Variants in DMWD observed in about 807,000 individuals in gnomAD.
The protein encoded by DMWD is dystrophia myotonica WD repeat-containing protein.
A neutral mutation model predicts 45.8 loss-of-function variants in DMWD; 19 were observed. The ratio of observed to expected loss-of-function variants is 0.41; its 90% CI spans 0.29 to 0.61. DMWD has a LOEUF of 0.61. DMWD is among the 20% of genes least tolerant of loss of function. The probability of loss-of-function intolerance (pLI) is 0.25; values close to 1 mark genes in which losing one functional copy is unlikely to be tolerated. For synonymous variants in DMWD, 515 were observed against 440.5 expected, an observed-to-expected ratio of 1.17 and a Z score of -2.12; for missense variants, 802 against 965.2, an observed-to-expected ratio of 0.83 and a Z score of 2.24.
At chr19:45,784,802 C>T (rs1970249329) in intron 3 of DMWD, 87 bp from the exon 4 acceptor site, 1 of 1,546,128 alleles carries the variant, frequency 6.5e-7, no homozygotes, top group African/African-American at 1.4e-5. Context: ...AGACTGTGCT[C>T]TCAAGTTCTA....
chr19:45,791,404 C>A (rs2146275713), intron 1 of DMWD, among the ~76,000 whole-genome samples: 1 of 152,200 alleles, frequency 6.6e-6, no homozygotes, highest in African/African-American at 2.4e-5. Flanking sequence ...AGCTCCGATT[C>A]CTTTTAGCCT....
At chr19:45,785,273 G>C in intron 3 of DMWD, 3 of 1,133,050 alleles carry the variant, frequency 2.6e-6, no homozygotes, top group Non-Finnish European at 3.2e-6. Flanking sequence ...AACAGAAATA[G>C]ATTCTGGTTC....
chr19:45,787,419 C>T (rs1970296143), intron 2 of DMWD, among the ~76,000 whole-genome samples: 1 of 152,176 alleles, frequency 6.6e-6, no homozygotes, highest in South Asian at 2.1e-4. Flanking sequence ...AGAACGGTTT[C>T]ATCCCAAAAC....
intron 2 of DMWD, among the ~76,000 whole-genome samples, chr19:45,787,837 G>A (rs1970302185): frequency 6.6e-6 from 1 of 152,198 alleles, no homozygotes; most frequent in South Asian, 2.1e-4. Flanking sequence ...GGAGGCTGAG[G>A]CAGGCGGATC....
At position 45,786,300 on chromosome 19, in the gene DMWD, T is replaced by C; in HGVS notation, c.1196A>G (p.Glu399Gly). ...AAGADGERSGEEEEEEPEAAG... is the reference protein window; with the variant it reads ...AAGADGERSGGEEEEEPEAAG... ...AGCCTCGGGCTCCTCCTCCTCCTCTTCGCCGCTCCGCTCCCCATCAGCACC... is the reference window on the plus strand; with the variant it reads ...AGCCTCGGGCTCCTCCTCCTCCTCTCCGCCGCTCCGCTCCCCATCAGCACC... Residue 399 changes from glutamate to glycine, a missense_variant, in exon 3 of 5, where the codon GAA (glutamate) becomes GGA (glycine). Physicochemically the swap from Glu to Gly is moderately conservative, Grantham distance 98. Transcript: ENST00000270223. 8.1e-6 allele frequency: 13 copies of C among 1,606,120 alleles called. No homozygotes were observed. The highest frequency in any genetic ancestry group is 1.1e-5 in the Non-Finnish European group (13 of 1,174,874).
intron 1 of DMWD, among the ~76,000 whole-genome samples, chr19:45,792,020 G>A (rs1048976381): frequency 6.6e-6 from 1 of 152,004 alleles, no homozygotes; most frequent in Non-Finnish European, 1.5e-5. Flanking sequence ...GAACCCGGGG[G>A]ATCCCACCTC....
At position 45,785,790 on chromosome 19, in the gene DMWD, G is replaced by T; in HGVS notation, c.1706C>A (p.Pro569His). The T allele has an allele frequency of 6.2e-7, 1 of 1,611,856 alleles. No individual in the cohort carries two copies. ...CTTGGCGGGGTCCAGGCGGCTGCGG[G>T]GAACAGGGCCGCTGGGCTTCTCCCC... The part of the protein sequence containing the change: ...SGGEKPSGPV[P>H]RSRLDPAKVL... Residue 569 changes from proline to histidine, a missense_variant, in exon 3 of 5, where the codon CCC becomes CAC. By Grantham distance (77) the Pro-to-His change is moderately conservative (BLOSUM62 -2). Coordinates refer to ENST00000270223, the MANE Select transcript of DMWD (RefSeq NM_004943.2).
chr19:45,783,670 G>C lies in DMWD; in HGVS notation c.*573C>G, dbSNP rs1185284578. 4.9e-6 allele frequency: 2 copies of C among 406,138 alleles called. No homozygotes were observed. The highest frequency in any genetic ancestry group is 7.1e-5 in the East Asian group (2 of 28,092). 25.2% of individuals were successfully genotyped at this position (406,138 alleles called of 1,614,324 possible). A position where few individuals can be genotyped will look rare whatever the true frequency, so the allele number is the denominator to read the frequency against. On this transcript the variant is annotated 3_prime_UTR_variant, in exon 5 of 5. Coordinates refer to ENST00000270223, the MANE Select transcript of DMWD (RefSeq NM_004943.2). The stretch of plus-strand genomic sequence containing the variant: ...TCCTCTGGGGAAAGCGGACTGCCTA[G>C]AACCACAGAGTACACACACAGGTCC...
Position 45,784,632 on chromosome 19 carries a change from C to T in DMWD, c.1977+9G>A. The T allele has an allele frequency of 5.6e-6, 9 of 1,613,722 alleles. No individual in the cohort carries two copies. The highest frequency in any genetic ancestry group is 7.6e-6 in the Non-Finnish European group (9 of 1,179,670). On this transcript the variant is annotated intron_variant, in intron 4 of 4. Coordinates refer to ENST00000270223, the MANE Select transcript of DMWD (RefSeq NM_004943.2). ...AGGTGCTGGGGAAAGAACTCAGGGA[C>T]AGTCCTACCTCTACCACTGACTTGC...
At chr19:45,788,765 CA>C (rs34190352) in intron 2 of DMWD, among the ~76,000 whole-genome samples, 36,596 of 151,908 alleles carry the variant, frequency 0.24, 5,318 homozygotes, top group Admixed American at 0.38. Context: ...CCCGCCTCTA[CA>C]AAAAATACAA....
chr19:45,786,488 A>G lies in DMWD; in HGVS notation c.1008T>C (p.Pro336=), dbSNP rs1310235770. ...FGGLLCVCWS[P]DGRYVVTGGE... The stretch of plus-strand genomic sequence containing the variant: ...CACCCGTCACCACGTAGCGGCCGTC[A>G]GGGCTCCAGCACACACACAGCAGGC... The change falls in exon 3 of 5, where the codon CCT becomes CCC. Residue 336 remains proline, a synonymous_variant. Coordinates refer to ENST00000270223, the MANE Select transcript of DMWD (RefSeq NM_004943.2). 6.2e-7 allele frequency: 1 copy of G among 1,612,940 alleles called. No homozygotes were observed. Among genetic ancestry groups the G allele is most frequent in the Non-Finnish European group, 8.5e-7 (1 of 1,179,074 alleles).
In DMWD at chr19:45,786,865, T is replaced by A. The variant is rs753709062; in HGVS notation, c.631A>T (p.Ile211Phe). The change falls in exon 3 of 5, where the codon ATC becomes TTC. Residue 211 changes from isoleucine to phenylalanine, a missense_variant. Around this residue, in one of 9 missense-constraint regions of DMWD, gnomAD observed 38 missense variants for 76.1 expected, o/e 0.50. Transcript: ENST00000270223. Reference protein sequence around the residue: ...TSKLFNEERLIDKTKVTYLKW... With the variant: ...TSKLFNEERLFDKTKVTYLKW... ...AGATATGTCACCTTGGTCTTGTCGA[T>A]CAACCGCTGCCAGGGGAGACAGTGT... 16 of 1,613,234 alleles carry A rather than the reference T, an allele frequency of 9.9e-6. No individual in the cohort carries two copies. The highest frequency in any genetic ancestry group is 1.7e-5 in the Admixed American group (1 of 59,934).
intron 4 of DMWD, 101 bp downstream of exon 4, chr19:45,784,540 G>C: frequency 6.3e-7 from 1 of 1,577,620 alleles, no homozygotes; most frequent in South Asian, 1.1e-5. Context: ...GTGAGACCAT[G>C]GGGTAAGGGT....
At chr19:45,784,857 C>G in intron 3 of DMWD, 142 bp from the exon 4 acceptor site, 1 of 1,372,902 alleles carries the variant, frequency 7.3e-7, no homozygotes. Flanking sequence ...TCTGAGGAAC[C>G]AAGCCACGGC....
rs545459530 is a variant in DMWD at position 45,783,819 on chromosome 19, G to A, written c.*424C>T. ...TTCCATAATTTAACACTCTTCAAAA[G>A]CACAGACAATAGCAAGGGCAGCTGG... On this transcript the variant is annotated 3_prime_UTR_variant, in exon 5 of 5. Coordinates refer to ENST00000270223, the MANE Select transcript of DMWD (RefSeq NM_004943.2). The A allele has an allele frequency of 2.3e-4, 110 of 472,552 alleles. No homozygotes were observed. Among genetic ancestry groups the A allele is most frequent in the African/African-American group, 2.2e-3 (109 of 49,098 alleles). The allele number at this position is 472,552 out of a possible 1,614,324, so 29.3% of individuals were successfully genotyped here.
chr19:45,787,018 A>G (rs1274305643), intron 2 of DMWD, 147 bp from the exon 3 acceptor site: 1 of 1,380,344 alleles, frequency 7.2e-7, no homozygotes, highest in Non-Finnish European at 9.7e-7. Flanking sequence ...CCTCGGAGAG[A>G]AGCTCCCAAA....
At chr19:45,787,056 A>C in intron 2 of DMWD, 185 bp from the exon 3 acceptor site, 9 of 1,083,342 alleles carry the variant, frequency 8.3e-6, no homozygotes, top group Non-Finnish European at 1.0e-5. Flanking sequence ...ACACCAGGTC[A>C]TGGAAACATG....
At position 45,785,656 on chromosome 19, in the gene DMWD, C is replaced by A; in HGVS notation, c.1840G>T (p.Asp614Tyr). The A allele has an allele frequency of 6.4e-7, 1 of 1,566,072 alleles. No homozygotes were observed. Among genetic ancestry groups the A allele is most frequent in the South Asian group, 1.2e-5 (1 of 85,032 alleles). Reference sequence around the variant, plus strand: ...TCCTGGCAGGCAGTGATGATGCAGTCCTCCAGGAACAGGAGGACTGTGAGC... The same window carrying A: ...TCCTGGCAGGCAGTGATGATGCAGTACTCCAGGAACAGGAGGACTGTGAGC... Reference protein sequence around the residue: ...ERLTVLLFLEDCIITACQEGL... With the variant: ...ERLTVLLFLEYCIITACQEGL... Residue 614 changes from aspartate to tyrosine, a missense_variant, in exon 3 of 5, where the codon GAC becomes TAC. Asp to Tyr is a radical substitution (Grantham distance 160, BLOSUM62 -3). Transcript: ENST00000270223.
chr19:45,784,847 T>C, intron 3 of DMWD, 132 bp from the exon 4 acceptor site: 1 of 1,417,216 alleles, frequency 7.1e-7, no homozygotes, highest in Non-Finnish European at 9.3e-7. Context: ...AAACTGAGGA[T>C]CTGAGGAACC....
Sources: allele counts gnomAD v4.1 joint callset (sites outside exome capture counted in the v4.1 genomes callset), GRCh38; gene constraint gnomAD v4.1.1; regional missense constraint gnomAD v4.1.1; transcripts MANE v1.5; gene names NCBI Gene and HGNC (gene_info 2026-07-23, HGNC 2026-07-21).